Variants in TMEM108 observed in about 807,000 individuals in gnomAD.
TMEM108 encodes the protein cancer/testis antigen 124.
Under a neutral mutation model 35.1 loss-of-function variants are expected in TMEM108, and 12 were observed. That is an observed-to-expected ratio of 0.34 (90% CI 0.22 to 0.55). The LOEUF is 0.55. TMEM108 is among the 20% of genes least tolerant of loss of function. The pLI is 0.89. For synonymous variants in TMEM108, 287 were observed against 308.6 expected, an observed-to-expected ratio of 0.93 and a Z score of 0.73; for missense variants, 680 against 753.3, an observed-to-expected ratio of 0.90 and a Z score of 1.14.
chr3:133,177,204 A>G (rs969688173), intron 2 of TMEM108, among the ~76,000 whole-genome samples: 5 of 152,246 alleles, frequency 3.3e-5, no homozygotes, highest in African/African-American at 9.6e-5. Flanking sequence ...GTCCAGGACC[A>G]GATGGATTCA....
intron 3 of TMEM108, among the ~76,000 whole-genome samples, chr3:133,288,738 T>G (rs111467808): frequency 0.01 from 1,543 of 152,324 alleles, 24 homozygotes; most frequent in African/African-American, 0.034. Flanking sequence ...TTTTTACATA[T>G]AATAATTTGG....
chr3:133,232,360 A>G (rs1186925527), intron 3 of TMEM108, among the ~76,000 whole-genome samples: 6 of 151,974 alleles, frequency 3.9e-5, no homozygotes, highest in Non-Finnish European at 7.4e-5. Flanking sequence ...ACCTCCCTCT[A>G]CCTTGCATCC....
chr3:133,102,666 G>A (rs936899919), intron 2 of TMEM108, among the ~76,000 whole-genome samples: 2 of 152,164 alleles, frequency 1.3e-5, no homozygotes, highest in Non-Finnish European at 2.9e-5. Context: ...AATTTCTTTA[G>A]CAAGTGGTAT....
rs542449980 is a variant in TMEM108, at chr3:133,257,904, T to G, written c.40+28553T>G. On this transcript the variant is annotated intron_variant, in intron 3 of 5. Transcript: ENST00000321871. ...GGAAGAAGCCAGAGGCCCAGAAAAT[T>G]TTTGCTAAAGGAGGGGTTGCTTTAT... is the stretch of plus-strand genomic sequence containing the variant. 2.0e-5 allele frequency among the ~76,000 whole-genome samples: 3 copies of G among 152,210 alleles called. No individual in the cohort carries two copies. In the East Asian group the frequency reaches 5.8e-4, roughly 29 times the overall value.
At chr3:133,125,956 A>AC (rs1022673561) in intron 2 of TMEM108, among the ~76,000 whole-genome samples, 7 of 152,214 alleles carry the variant, frequency 4.6e-5, no homozygotes, top group African/African-American at 1.4e-4. Context: ...GATCTGGAAC[A>AC]CCAATGTCAT....
At chr3:133,348,821 A>G (rs1489315104) in intron 3 of TMEM108, among the ~76,000 whole-genome samples, 5 of 152,208 alleles carry the variant, frequency 3.3e-5, no homozygotes, top group Non-Finnish European at 5.9e-5. Flanking sequence ...CATCCACTAC[A>G]TAGTGTAGAA....
chr3:133,324,192 A>T (rs2071301183), intron 3 of TMEM108, among the ~76,000 whole-genome samples: 1 of 152,190 alleles, frequency 6.6e-6, no homozygotes, highest in Non-Finnish European at 1.5e-5. Flanking sequence ...TAAACTAAAA[A>T]CCTTCTGTAC....
intron 1 of TMEM108, among the ~76,000 whole-genome samples, chr3:133,043,380 TA>T (rs1046731068): frequency 5.9e-5 from 9 of 152,124 alleles, no homozygotes; most frequent in African/African-American, 1.9e-4. Context: ...GGAAGAGTGT[TA>T]GGGGTAAGAT....
intron 3 of TMEM108, among the ~76,000 whole-genome samples, chr3:133,364,900 G>A (rs2072460521): frequency 6.6e-6 from 1 of 152,166 alleles, no homozygotes; most frequent in African/African-American, 2.4e-5. Context: ...GGGGGAAGTT[G>A]GGCTGCAACA....
chr3:133,338,520 A>G (rs756549546), intron 3 of TMEM108, among the ~76,000 whole-genome samples: 2 of 152,152 alleles, frequency 1.3e-5, no homozygotes, highest in Non-Finnish European at 2.9e-5. Context: ...AAGGGATTTC[A>G]TCAACATTAG....
At chr3:133,178,725 A>G (rs1945279608) in intron 2 of TMEM108, among the ~76,000 whole-genome samples, 1 of 152,212 alleles carries the variant, frequency 6.6e-6, no homozygotes, top group Admixed American at 6.5e-5. Context: ...AACCTAGGCA[A>G]TACCATTCAA....
chr3:133,344,562 A>G (rs1435974838), intron 3 of TMEM108, among the ~76,000 whole-genome samples: 5 of 151,828 alleles, frequency 3.3e-5, no homozygotes, highest in Non-Finnish European at 7.4e-5. Flanking sequence ...CCAAAAAAAA[A>G]TCAAAAGATA....
intron 3 of TMEM108, among the ~76,000 whole-genome samples, chr3:133,308,292 C>T (rs2071072931): frequency 6.6e-6 from 1 of 152,126 alleles, no homozygotes; most frequent in Non-Finnish European, 1.5e-5. Flanking sequence ...AATAGACAAT[C>T]ATGTCATCTG....
chr3:133,234,350 A>G (rs539569689), intron 3 of TMEM108, among the ~76,000 whole-genome samples: 1 of 152,158 alleles, frequency 6.6e-6, no homozygotes, highest in African/African-American at 2.4e-5. Flanking sequence ...AAAAATCCTC[A>G]ATAAAATACT....
At chr3:133,162,356 TA>T (rs1273602915) in intron 2 of TMEM108, among the ~76,000 whole-genome samples, 173 of 152,262 alleles carry the variant, frequency 1.1e-3, no homozygotes, top group African/African-American at 4.0e-3. Context: ...AAACTGGACC[TA>T]AAAGGGAAGG....
chr3:133,173,635 A>G (rs1945163472), intron 2 of TMEM108, among the ~76,000 whole-genome samples: 1 of 152,226 alleles, frequency 6.6e-6, no homozygotes, highest in Admixed American at 6.5e-5. Context: ...GTATCAGCAC[A>G]CATATGCAAA....
chr3:133,225,473 C>A (rs183939713), intron 2 of TMEM108, among the ~76,000 whole-genome samples: 1 of 152,102 alleles, frequency 6.6e-6, no homozygotes, highest in Admixed American at 6.5e-5. Context: ...CCCCCTCCCC[C>A]AAAGAAGAAC....
At chr3:133,076,891 A>C (rs1346191890) in intron 2 of TMEM108, among the ~76,000 whole-genome samples, 1 of 152,244 alleles carries the variant, frequency 6.6e-6, no homozygotes, top group Non-Finnish European at 1.5e-5. Flanking sequence ...TCTGTGGATA[A>C]GCCAACGAAA....
chr3:133,385,159 G>A (rs185293259), intron 4 of TMEM108, among the ~76,000 whole-genome samples: 10 of 152,282 alleles, frequency 6.6e-5, no homozygotes, highest in Non-Finnish European at 1.2e-4. Flanking sequence ...AAGAAAACCC[G>A]GGTGAGAATG....
Sources: allele counts gnomAD v4.1 joint callset (sites outside exome capture counted in the v4.1 genomes callset), GRCh38; gene constraint gnomAD v4.1.1; transcripts MANE v1.5; gene names NCBI Gene and HGNC (gene_info 2026-07-23, HGNC 2026-07-21).